GSTA2: variants seen among roughly 807,000 people sequenced by gnomAD.
The protein encoded by GSTA2 is glutathione S-transferase A2.
Under a neutral mutation model 22.4 loss-of-function variants are expected in GSTA2, and 27 were observed. The observed-to-expected ratio is 1.21, with a 90% CI of 0.89 to 1.67. The LOEUF (loss-of-function observed/expected upper bound fraction) is 1.67, where lower values mean the gene tolerates loss of function less well. Ranked by LOEUF, GSTA2 falls within the 40% of genes most tolerant of loss-of-function variation. The probability of loss-of-function intolerance (pLI) is 0.00; values close to 1 mark genes in which losing one functional copy is unlikely to be tolerated. For missense variants in GSTA2, 302 were observed against 260.2 expected (o/e 1.16, Z -1.11); for synonymous variants, 121 against 86.8 (o/e 1.39, Z -2.19).
chr6:52,752,787 G>A, intron 5 of GSTA2, 67 bp downstream of exon 5: 4 of 1,588,618 alleles, frequency 2.5e-6, no homozygotes, highest in Non-Finnish European at 2.6e-6. Context: ...CCCCAGGAAT[G>A]CCCAGCCACT....
Position 52,751,567 on chromosome 6 carries a change from A to G in GSTA2, c.546+10T>C. On this transcript the variant is annotated intron_variant, in intron 6 of 6. Coordinates refer to ENST00000493422, the MANE Select transcript of GSTA2 (RefSeq NM_000846.5). ...GGGTCTGCCTCTCTGAAGACTGTGA[A>G]ATGGGTCACCTTCAGCAGAGGGAAG... is the stretch of plus-strand genomic sequence containing the variant. 2 of 1,613,948 alleles carry G rather than the reference A, an allele frequency of 1.2e-6. No homozygotes were observed. The highest frequency in any genetic ancestry group is 1.7e-6 in the Non-Finnish European group (2 of 1,179,912).
Position 52,752,996 on chromosome 6 carries a change from C to T in GSTA2, c.273-1G>A. 6.3e-7 allele frequency: 1 copy of T among 1,586,908 alleles called. No individual in the cohort carries two copies. The highest frequency in any genetic ancestry group is 8.6e-7 in the Non-Finnish European group (1 of 1,168,160). On this transcript the variant is annotated splice_acceptor_variant, in intron 4 of 6. Coordinates refer to ENST00000493422, the MANE Select transcript of GSTA2 (RefSeq NM_000846.5). LOFTEE classifies it high-confidence loss of function. ...TATACCTTCTATATACATATCAATC[C>T]TGAAAGACAAAAACAACCAAATGGT...
chr6:52,750,790 C>T (rs112153523), intron 6 of GSTA2, 91 bp from the exon 7 acceptor site: 4 of 1,517,542 alleles, frequency 2.6e-6, no homozygotes, highest in Non-Finnish European at 2.7e-6. Flanking sequence ...GTCCCTCCTG[C>T]CAAAGACCAA....
intron 1 of GSTA2, among the ~76,000 whole-genome samples, chr6:52,759,567 T>TG (rs1762914642): frequency 2.4e-5 from 1 of 42,124 alleles, no homozygotes; most frequent in Non-Finnish European, 4.5e-5. Flanking sequence ...TTATTTGTTT[T>TG]TTTTTTTTTT....
Position 52,750,470 on chromosome 6 carries a change from T to A in GSTA2, c.*107A>T. 9.8e-7 allele frequency: 1 copy of A among 1,025,376 alleles called. No individual in the cohort carries two copies. Among genetic ancestry groups the A allele is most frequent in the Admixed American group, 2.2e-5 (1 of 45,072 alleles). The allele number at this position is 1,025,376 out of a possible 1,614,324, so 63.5% of individuals were successfully genotyped here. ...TTAATTAGCATATAATTTGAAAGAG[T>A]TCATTAGCTTCACAACAGGCACAAT... On this transcript the variant is annotated 3_prime_UTR_variant, in exon 7 of 7. Coordinates refer to ENST00000493422, the MANE Select transcript of GSTA2 (RefSeq NM_000846.5).
intron 3 of GSTA2, 70 bp from the exon 4 acceptor site, chr6:52,755,145 G>C (rs555621161): frequency 2.5e-4 from 390 of 1,580,542 alleles, no homozygotes; most frequent in Admixed American, 1.1e-3. Flanking sequence ...GAAAAAAAAT[G>C]GTTGTTGAAA....
intron 1 of GSTA2, among the ~76,000 whole-genome samples, chr6:52,758,367 T>C (rs1296931001): frequency 1.3e-5 from 2 of 152,210 alleles, no homozygotes; most frequent in Admixed American, 6.5e-5. Flanking sequence ...ACCCTCCTTA[T>C]AGTCCCATGA....
At chr6:52,756,109 G>A in intron 3 of GSTA2, 149 bp downstream of exon 3, 1 of 567,440 alleles carries the variant, frequency 1.8e-6, no homozygotes, top group Admixed American at 2.9e-5. Context: ...TGCTCAAGGA[G>A]CCACATCCCT....
At chr6:52,762,566 T>C (rs1762969092) in intron 1 of GSTA2, among the ~76,000 whole-genome samples, 1 of 152,186 alleles carries the variant, frequency 6.6e-6, no homozygotes, top group East Asian at 1.9e-4. Context: ...TCCCCACTAT[T>C]ATCCTATTGT....
chr6:52,760,012 T>G (rs926355264), intron 1 of GSTA2, among the ~76,000 whole-genome samples: 1 of 152,242 alleles, frequency 6.6e-6, no homozygotes, highest in Non-Finnish European at 1.5e-5. Context: ...TTTGAAATCA[T>G]ACTGAATCAA....
chr6:52,756,388 T>G, intron 2 of GSTA2, 79 bp from the exon 3 acceptor site: 1 of 1,112,314 alleles, frequency 9.0e-7, no homozygotes, highest in East Asian at 2.4e-5. Flanking sequence ...CTCTATCTGG[T>G]GCATCATTTG....
intron 1 of GSTA2, among the ~76,000 whole-genome samples, chr6:52,762,770 C>T (rs147366157): frequency 6.6e-6 from 1 of 152,198 alleles, no homozygotes; most frequent in Admixed American, 6.5e-5. Flanking sequence ...GAAACACCCA[C>T]AGGTGTGGAG....
intron 1 of GSTA2, among the ~76,000 whole-genome samples, chr6:52,760,105 G>A (rs1762928387): frequency 6.6e-6 from 1 of 152,160 alleles, no homozygotes; most frequent in Non-Finnish European, 1.5e-5. Context: ...TTGGGAAATG[G>A]AAATAGCATA....
At chr6:52,755,159 C>T in intron 3 of GSTA2, 84 bp from the exon 4 acceptor site, 1 of 1,528,234 alleles carries the variant, frequency 6.5e-7, no homozygotes. Context: ...GTTGAAATGA[C>T]TAAATTTGTA....
intron 2 of GSTA2, 39 bp downstream of exon 2, chr6:52,757,822 T>C (rs767220341): frequency 2.0e-6 from 3 of 1,530,444 alleles, no homozygotes; most frequent in Admixed American, 3.3e-5. Flanking sequence ...GATAACGCAA[T>C]CGTAAATCTG....
rs115135676 is a variant in GSTA2 at position 52,756,582 on chromosome 6, A to T, written c.88-273T>A. 3.7e-3 allele frequency among the ~76,000 whole-genome samples: 557 copies of T among 152,314 alleles called. 7 individuals are homozygous for T. Among genetic ancestry groups the T allele is most frequent in the African/African-American group, 0.013 (530 of 41,562 alleles). On this transcript the variant is annotated intron_variant, in intron 2 of 6. Transcript: ENST00000493422. ...ATGATTAGGTCATGTTTTGAGAGGG[A>T]CATCACTGGAGAAAAGGCACTGAGC...
intron 6 of GSTA2, 43 bp from the exon 7 acceptor site, chr6:52,750,742 G>C: frequency 6.2e-7 from 1 of 1,606,712 alleles, no homozygotes; most frequent in Non-Finnish European, 8.5e-7. Context: ...AACAAGTCAA[G>C]GGCTGACACC....
chr6:52,758,978 G>A (rs561696834), intron 1 of GSTA2, among the ~76,000 whole-genome samples: 22 of 152,182 alleles, frequency 1.4e-4, no homozygotes, highest in Admixed American at 1.4e-3. Flanking sequence ...GATAGATCTG[G>A]GATCCAGGGT....
chr6:52,754,980 A>G lies in GSTA2; in HGVS notation c.235T>C (p.Tyr79His). 1 of 1,614,022 alleles carries G rather than the reference A, an allele frequency of 6.2e-7. No individual in the cohort carries two copies. Among genetic ancestry groups the G allele is most frequent in the African/African-American group, 1.3e-5 (1 of 75,002 alleles). Residue 79 changes from tyrosine to histidine, a missense_variant, in exon 4 of 7, where the codon TAC becomes CAC. Transcript: ENST00000493422. ...TTTATGTCTTTCCCATAGAGGTTGTATTTGCTGGCAATGTAGTTGAGAATG... is the reference window on the plus strand; with the variant it reads ...TTTATGTCTTTCCCATAGAGGTTGTGTTTGCTGGCAATGTAGTTGAGAATG... ...RAILNYIASK[Y>H]NLYGKDIKEK... is the part of the protein sequence containing the mutation.
Sources: allele counts gnomAD v4.1 joint callset (sites outside exome capture counted in the v4.1 genomes callset), GRCh38; gene constraint gnomAD v4.1.1; transcripts MANE v1.5; gene names NCBI Gene and HGNC (gene_info 2026-07-23, HGNC 2026-07-21).